Variants in ADAM18 observed in about 807,000 individuals in gnomAD.
The protein encoded by ADAM18 is disintegrin and metalloproteinase domain-containing protein 18.
In ADAM18, 117 loss-of-function variants were observed where a neutral mutation model predicts 94.4. That is an observed-to-expected ratio of 1.24 (90% CI 1.07 to 1.45). The LOEUF is 1.45. ADAM18 is among the 40% of genes most tolerant of loss of function. The pLI, the probability that ADAM18 is intolerant of heterozygous loss-of-function variation, is 0.00. For missense variants in ADAM18, 936 were observed against 880.0 expected (o/e 1.06, Z -0.81); for synonymous variants, 327 against 291.6 (o/e 1.12, Z -1.24).
At chr8:39,629,330 A>G (rs763067192) in intron 6 of ADAM18, 44 bp from the exon 7 acceptor site, 9 of 1,419,068 alleles carry the variant, frequency 6.3e-6, no homozygotes, top group Non-Finnish European at 7.8e-6. Context: ...CTTAAATTCA[A>G]TACATGTTAA....
chr8:39,664,685 CATT>C (rs1295798669), intron 13 of ADAM18, among the ~76,000 whole-genome samples: 7 of 152,032 alleles, frequency 4.6e-5, no homozygotes, highest in Non-Finnish European at 7.4e-5. Flanking sequence ...AAAGAACTCT[CATT>C]GATAACTGAA....
At chr8:39,603,171 C>T (rs1312778951) in intron 2 of ADAM18, among the ~76,000 whole-genome samples, 1 of 152,152 alleles carries the variant, frequency 6.6e-6, no homozygotes, top group South Asian at 2.1e-4. Flanking sequence ...TTTCAAAAAT[C>T]AGTTGAAGGT....
At chr8:39,706,759 C>T in intron 17 of ADAM18, 31 bp from the exon 18 acceptor site, 1 of 1,294,538 alleles carries the variant, frequency 7.7e-7, no homozygotes, top group Non-Finnish European at 1.1e-6. Flanking sequence ...ACTAAGACGA[C>T]TCAAACTGTT....
intron 12 of ADAM18, among the ~76,000 whole-genome samples, chr8:39,653,099 T>C (rs912871947): frequency 6.6e-6 from 1 of 152,128 alleles, no homozygotes; most frequent in Non-Finnish European, 1.5e-5. Flanking sequence ...ATGGTGACTA[T>C]GGTTAATAAA....
chr8:39,593,676 T>C (rs1409925127), intron 2 of ADAM18, among the ~76,000 whole-genome samples: 2 of 152,154 alleles, frequency 1.3e-5, no homozygotes, highest in Admixed American at 6.6e-5. Flanking sequence ...TTCTGTCAGG[T>C]TTTGCTTCTT....
rs1437534221 is a variant in ADAM18 at position 39,722,207 on chromosome 8, GTGTGTGTGTGTATATATATATATATA to G, written c.2018-1539_2018-1514del. On this transcript the variant is annotated intron_variant, in intron 18 of 19. Coordinates refer to ENST00000265707, the MANE Select transcript of ADAM18 (RefSeq NM_014237.3). ...GGTTATACCGTGTGTGTGTGTGTGT[GTGTGTGTGTGTATATATATATATATA>G]TATATATATATATATATATATATAT... Among the ~76,000 whole-genome samples the G allele has an allele frequency of 5.2e-5, 4 of 76,436 alleles. No individual in the cohort carries two copies. The East Asian group carries it at 1.7e-3, about 32-fold the overall frequency. The allele number at this position is 76,436 out of a possible 152,430, so 50.1% of individuals were successfully genotyped here. A position where few individuals can be genotyped will look rare whatever the true frequency, so the allele number is the denominator to read the frequency against.
chr8:39,673,164 A>G (rs1441632956), intron 14 of ADAM18, among the ~76,000 whole-genome samples: 3 of 152,182 alleles, frequency 2.0e-5, no homozygotes, highest in Non-Finnish European at 2.9e-5. Context: ...CAGAAACAAG[A>G]TGATCCTGGA....
Position 39,602,716 on chromosome 8 carries a change from T to C in ADAM18, c.133-3591T>C, listed in dbSNP as rs149655558. ...TACTCTAGTTAAGTCTTTTATGAGATATGTGATTTCCAAATATTTTTCCCT... is the reference window on the plus strand; with the variant it reads ...TACTCTAGTTAAGTCTTTTATGAGACATGTGATTTCCAAATATTTTTCCCT... On this transcript the variant is annotated intron_variant, in intron 2 of 19. Transcript: ENST00000265707. 1.2e-4 allele frequency among the ~76,000 whole-genome samples: 18 copies of C among 152,318 alleles called. No individual in the cohort carries two copies. In the East Asian group the frequency reaches 3.5e-3, roughly 29 times the overall value.
At chr8:39,636,639 T>C (rs1051991568) in intron 7 of ADAM18, among the ~76,000 whole-genome samples, 1 of 152,112 alleles carries the variant, frequency 6.6e-6, no homozygotes. Context: ...ATGGTAAAAG[T>C]ACCTAAAATC....
chr8:39,705,052 T>C (rs1368149539), intron 17 of ADAM18, among the ~76,000 whole-genome samples: 1 of 152,144 alleles, frequency 6.6e-6, no homozygotes, highest in Non-Finnish European at 1.5e-5. Context: ...GACACTTTTG[T>C]TGTTTAAGAA....
At chr8:39,650,278 T>A (rs1342158544) in intron 12 of ADAM18, among the ~76,000 whole-genome samples, 2 of 152,206 alleles carry the variant, frequency 1.3e-5, no homozygotes, top group African/African-American at 4.8e-5. Flanking sequence ...AAGTTATAAA[T>A]TTCTACTAAT....
intron 17 of ADAM18, among the ~76,000 whole-genome samples, chr8:39,704,244 C>A (rs988880254): frequency 8.6e-5 from 13 of 152,014 alleles, no homozygotes; most frequent in African/African-American, 3.1e-4. Context: ...ATCTGGCAGA[C>A]ACACAACAAA....
chr8:39,651,728 C>A (rs1820544785), intron 12 of ADAM18, among the ~76,000 whole-genome samples: 1 of 152,132 alleles, frequency 6.6e-6, no homozygotes, highest in East Asian at 1.9e-4. Context: ...TACATAGACA[C>A]AGTAACAGTC....
chr8:39,667,644 C>T (rs1379882890), intron 13 of ADAM18, among the ~76,000 whole-genome samples: 2 of 152,240 alleles, frequency 1.3e-5, no homozygotes, highest in South Asian at 4.1e-4. Context: ...AAGTCTGGCT[C>T]CTGAGTTTCT....
intron 17 of ADAM18, among the ~76,000 whole-genome samples, chr8:39,697,450 C>G (rs529633731): frequency 5.8e-4 from 88 of 151,386 alleles, no homozygotes; most frequent in African/African-American, 2.1e-3. Context: ...AAAATATTTT[C>G]CAATTTTCCT....
In ADAM18 at chr8:39,637,328, T is replaced by G; in HGVS notation, c.653T>G (p.Val218Gly). Residue 218 changes from valine (V) to glycine (G), a missense_variant, in exon 8 of 20, where the codon GTC becomes GGC. Coordinates refer to ENST00000265707, the MANE Select transcript of ADAM18 (RefSeq NM_014237.3). ...AAAATTGTCCAGGTTATTGGGCTTG[T>G]CAACACTGTAAGTTTTTACTTTTTC... The part of the protein sequence containing the change: ...TQKIVQVIGL[V>G]NTMFTQFKLT... 1.2e-6 allele frequency: 2 copies of G among 1,604,246 alleles called. No individual in the cohort carries two copies. Among genetic ancestry groups the G allele is most frequent in the South Asian group, 1.1e-5 (1 of 88,910 alleles).
At chr8:39,703,715 T>C (rs557111281) in intron 17 of ADAM18, among the ~76,000 whole-genome samples, 1 of 152,070 alleles carries the variant, frequency 6.6e-6, no homozygotes, top group Non-Finnish European at 1.5e-5. Flanking sequence ...TTATCAGAAG[T>C]CTTTTCTGAA....
rs150907859 is a variant in ADAM18, at chr8:39,585,308, C to A, written c.88C>A (p.Pro30Thr). The A allele has an allele frequency of 1.9e-6, 3 of 1,613,206 alleles. No individual in the cohort carries two copies. Among genetic ancestry groups the A allele is most frequent in the East Asian group, 4.5e-5 (2 of 44,836 alleles). Residue 30 changes from proline (P) to threonine (T), a missense_variant, in exon 2 of 20, where the codon CCA becomes ACA. By Grantham distance (38) the Pro-to-Thr change is conservative. Transcript: ENST00000265707. ...SEGIFLHVTV[P>T]RKIKSNDSEV... Reference sequence around the variant, plus strand: ...AGGAATATTTCTGCATGTCACAGTTCCACGGAAGATTAAGTCAAATGACAG... The same window carrying A: ...AGGAATATTTCTGCATGTCACAGTTACACGGAAGATTAAGTCAAATGACAG...
intron 2 of ADAM18, among the ~76,000 whole-genome samples, chr8:39,599,760 T>C (rs1009901834): frequency 3.3e-5 from 5 of 152,142 alleles, no homozygotes; most frequent in African/African-American, 4.8e-5. Context: ...ATTTTAAATA[T>C]TGAGCTTCCA....
Sources: allele counts gnomAD v4.1 joint callset (sites outside exome capture counted in the v4.1 genomes callset), GRCh38; gene constraint gnomAD v4.1.1; transcripts MANE v1.5; gene names NCBI Gene and HGNC (gene_info 2026-07-23, HGNC 2026-07-21).